The following RNF220 variants were observed in gnomAD, a reference collection of about 807,000 sequenced individuals.
RNF220 encodes the protein E3 ubiquitin-protein ligase RNF220.
In RNF220, 7 loss-of-function variants were observed where a neutral mutation model predicts 67.1. That is an observed-to-expected ratio of 0.10 (90% CI 0.06 to 0.20). The LOEUF (loss-of-function observed/expected upper bound fraction) is 0.20, where lower values mean the gene tolerates loss of function less well. Among genes scored for constraint, RNF220 ranks in the 10% least tolerant of loss-of-function variants. The pLI, the probability that RNF220 is intolerant of heterozygous loss-of-function variation, is 1.00. For missense variants in RNF220, 565 were observed against 740.3 expected (o/e 0.76, Z 2.75); for synonymous variants, 270 against 283.2 (o/e 0.95, Z 0.47).
intron 2 of RNF220, among the ~76,000 whole-genome samples, chr1:44,471,533 A>G (rs1654806961): frequency 6.7e-6 from 1 of 149,660 alleles, no homozygotes; most frequent in Non-Finnish European, 1.5e-5. Flanking sequence ...TATAAAGAAG[A>G]CTCATACTGG....
At chr1:44,627,502 T>C (rs78826764) in intron 5 of RNF220, among the ~76,000 whole-genome samples, 34,409 of 151,828 alleles carry the variant, frequency 0.23, 5,195 homozygotes, top group Middle Eastern at 0.33. Context: ...AGTCCTACAA[T>C]ATCATAGCAG....
intron 2 of RNF220, among the ~76,000 whole-genome samples, chr1:44,567,932 C>T (rs977053805): frequency 1.3e-5 from 2 of 152,138 alleles, no homozygotes; most frequent in Admixed American, 1.3e-4. Flanking sequence ...TGGAGGTTCC[C>T]ATTGACCCTC....
At chr1:44,475,513 T>G (rs1572619162) in intron 2 of RNF220, among the ~76,000 whole-genome samples, 2 of 134,294 alleles carry the variant, frequency 1.5e-5, no homozygotes, top group African/African-American at 5.9e-5. Flanking sequence ...GAGGTTGCAG[T>G]GAGCCGAGAT....
chr1:44,560,585 A>G (rs1663489984), intron 2 of RNF220, among the ~76,000 whole-genome samples: 1 of 152,108 alleles, frequency 6.6e-6, no homozygotes, highest in Non-Finnish European at 1.5e-5. Flanking sequence ...GTTTTCTGAG[A>G]CAGTCTCACT....
intron 2 of RNF220, among the ~76,000 whole-genome samples, chr1:44,612,256 C>G (rs944456959): frequency 1.3e-5 from 2 of 152,192 alleles, no homozygotes; most frequent in African/African-American, 4.8e-5. Flanking sequence ...CCCCCTTTCT[C>G]TTTTCCTCTC....
chr1:44,635,976 G>C (rs560101520), intron 7 of RNF220, 54 bp from the exon 8 acceptor site: 11 of 1,612,702 alleles, frequency 6.8e-6, no homozygotes, highest in Non-Finnish European at 8.5e-6. Context: ...GCAGACTGTG[G>C]GGAGCAGGTG....
intron 8 of RNF220, chr1:44,643,452 CTGGCTG>C (rs1365706354): frequency 6.6e-6 from 1 of 152,304 alleles, no homozygotes; most frequent in Non-Finnish European, 1.5e-5. Context: ...CTTCATGGAT[CTGGCTG>C]AGGAGCCTGG....
chr1:44,525,137 A>G (rs530024919), intron 2 of RNF220, among the ~76,000 whole-genome samples: 2 of 152,342 alleles, frequency 1.3e-5, no homozygotes, highest in South Asian at 4.1e-4. Context: ...TCTTTATTGA[A>G]AGGATGTAGC....
intron 9 of RNF220, 95 bp from the exon 10 acceptor site, chr1:44,644,900 T>C: frequency 6.5e-7 from 1 of 1,534,034 alleles, no homozygotes; most frequent in Non-Finnish European, 9.0e-7. Flanking sequence ...CGGGCCAGAG[T>C]CTCAGCTTTG....
In RNF220 at chr1:44,477,183, A is replaced by G. The variant is rs182737556; in HGVS notation, c.625+64461A>G. On this transcript the variant is annotated intron_variant, in intron 2 of 14. Transcript: ENST00000361799. ...ACTCACTTAAAAAATTCTTTCATTC[A>G]GTAAATATTTACTAGCAGTCCAGTA... Among the ~76,000 whole-genome samples the G allele has an allele frequency of 1.4e-3, 210 of 152,362 alleles. 3 individuals carry two copies. The highest frequency in any genetic ancestry group is 0.013 in the Admixed American group (198 of 15,304).
At chr1:44,437,050 G>T (rs1651048838) in intron 2 of RNF220, among the ~76,000 whole-genome samples, 1 of 152,212 alleles carries the variant, frequency 6.6e-6, no homozygotes, top group Admixed American at 6.5e-5. Flanking sequence ...ACAGTTGTTT[G>T]GGTGGCTTAG....
intron 2 of RNF220, among the ~76,000 whole-genome samples, chr1:44,509,978 C>T (rs1016051430): frequency 6.6e-6 from 1 of 151,564 alleles, no homozygotes; most frequent in Non-Finnish European, 1.5e-5. Flanking sequence ...GGTTCAATGC[C>T]TGTTACCCCA....
intron 2 of RNF220, among the ~76,000 whole-genome samples, chr1:44,518,896 A>C (rs1294310148): frequency 6.6e-5 from 10 of 151,984 alleles, no homozygotes; most frequent in Non-Finnish European, 1.3e-4. Flanking sequence ...AAACAAAAAA[A>C]AAAAAACTTA....
intron 2 of RNF220, among the ~76,000 whole-genome samples, chr1:44,591,984 A>G (rs1666149640): frequency 6.6e-6 from 1 of 151,926 alleles, no homozygotes. Flanking sequence ...GCCGTCCCCC[A>G]TCCTGTGAGC....
intron 2 of RNF220, among the ~76,000 whole-genome samples, chr1:44,560,092 G>T (rs1663445990): frequency 6.6e-6 from 1 of 152,318 alleles, no homozygotes; most frequent in East Asian, 1.9e-4. Context: ...TGAAAAAGCT[G>T]CAGCTACTTG....
chr1:44,649,081 A>G lies in RNF220; in HGVS notation c.1446-580A>G. On this transcript the variant is annotated intron_variant, in intron 12 of 14. Coordinates refer to ENST00000361799, the MANE Select transcript of RNF220 (RefSeq NM_018150.4). This position sits in a 1 kb window ranked among gnomAD's most constrained non-coding sequence, Gnocchi z 5.9. ...AAAAAGGTGGCGTGGATGGTGACACATAGGAGTCGAGCATAAAATGCGTGG... is the reference window on the plus strand; with the variant it reads ...AAAAAGGTGGCGTGGATGGTGACACGTAGGAGTCGAGCATAAAATGCGTGG... 6.1e-6 allele frequency: 1 copy of G among 162,854 alleles called. No individual in the cohort carries two copies. Among genetic ancestry groups the G allele is most frequent in the Non-Finnish European group, 1.3e-5 (1 of 74,152 alleles). The allele number at this position is 162,854 out of a possible 1,614,324, so 10.1% of individuals were successfully genotyped here. A position where few individuals can be genotyped will look rare whatever the true frequency, so the allele number is the denominator to read the frequency against.
chr1:44,432,358 C>T (rs541746026), intron 2 of RNF220, among the ~76,000 whole-genome samples: 1 of 146,778 alleles, frequency 6.8e-6, no homozygotes, highest in African/African-American at 2.5e-5. Flanking sequence ...GCAACCTCCA[C>T]CCCCCAGGTT....
chr1:44,468,207 T>C (rs917933396), intron 2 of RNF220, among the ~76,000 whole-genome samples: 1 of 140,588 alleles, frequency 7.1e-6, no homozygotes, highest in Non-Finnish European at 1.6e-5. Flanking sequence ...AAATGTAATG[T>C]CTACAAAGTG....
intron 6 of RNF220, among the ~76,000 whole-genome samples, chr1:44,634,189 T>C (rs1239044798): frequency 1.3e-5 from 2 of 152,156 alleles, no homozygotes; most frequent in African/African-American, 4.8e-5. Context: ...GGACCAGTCT[T>C]TGTTGATGCT....
Sources: allele counts gnomAD v4.1 joint callset (sites outside exome capture counted in the v4.1 genomes callset), GRCh38; gene constraint gnomAD v4.1.1; non-coding constraint Gnocchi (gnomAD v3.1); transcripts MANE v1.5; gene names NCBI Gene and HGNC (gene_info 2026-07-23, HGNC 2026-07-21).